Variants in CUL5 observed in about 807,000 individuals in gnomAD.
CUL5 encodes cullin 5.
In CUL5, 26 loss-of-function variants were observed where a neutral mutation model predicts 108.8. That is an observed-to-expected ratio of 0.24 (90% CI 0.18 to 0.33). The LOEUF (loss-of-function observed/expected upper bound fraction) is 0.33, where lower values mean the gene tolerates loss of function less well. Ranked by LOEUF, CUL5 falls within the 10% of genes least tolerant of loss-of-function variation. The probability of loss-of-function intolerance (pLI) is 1.00; values close to 1 mark genes in which losing one functional copy is unlikely to be tolerated. For synonymous variants in CUL5, 334 were observed against 298.0 expected, an observed-to-expected ratio of 1.12 and a Z score of -1.25; for missense variants, 524 against 909.2, an observed-to-expected ratio of 0.58 and a Z score of 5.45.
intron 3 of CUL5, among the ~76,000 whole-genome samples, chr11:108,047,754 T>C (rs937284306): frequency 7.9e-5 from 12 of 152,236 alleles, no homozygotes; most frequent in African/African-American, 2.9e-4. Flanking sequence ...TTAGAACTAA[T>C]TTAGAGATAC....
At chr11:108,012,148 A>G (rs961704209) in intron 1 of CUL5, among the ~76,000 whole-genome samples, 37 of 152,264 alleles carry the variant, frequency 2.4e-4, no homozygotes, top group African/African-American at 8.7e-4. Flanking sequence ...TCTGTAGAAC[A>G]TTTGTAGGGA....
chr11:108,078,761 C>G (rs552129647), intron 11 of CUL5, among the ~76,000 whole-genome samples: 12 of 152,100 alleles, frequency 7.9e-5, no homozygotes, highest in Admixed American at 6.5e-4. Context: ...GTGCTTCTAG[C>G]TAAGAATTAC....
intron 10 of CUL5, among the ~76,000 whole-genome samples, chr11:108,077,365 G>A (rs1209870503): frequency 6.6e-6 from 1 of 152,226 alleles, no homozygotes; most frequent in Non-Finnish European, 1.5e-5. Flanking sequence ...CAGTTGTGTA[G>A]GCTGGGTGTG....
intron 7 of CUL5, among the ~76,000 whole-genome samples, chr11:108,056,447 C>T (rs1179612013): frequency 6.6e-6 from 1 of 151,966 alleles, no homozygotes; most frequent in African/African-American, 2.4e-5. Context: ...TGTCTTTTCC[C>T]TTTGGTTCTT....
At chr11:108,066,353 A>G (rs572439669) in intron 7 of CUL5, among the ~76,000 whole-genome samples, 39 of 152,140 alleles carry the variant, frequency 2.6e-4, no homozygotes, top group African/African-American at 9.4e-4. Flanking sequence ...CAAAAAAAAA[A>G]CCAGAGTATC....
chr11:108,019,894 G>T (rs1025558294), intron 1 of CUL5, among the ~76,000 whole-genome samples: 2 of 152,134 alleles, frequency 1.3e-5, no homozygotes. Context: ...ACTCATGGCA[G>T]AAGGTGAAAG....
intron 7 of CUL5, among the ~76,000 whole-genome samples, chr11:108,063,962 A>G (rs1446107831): frequency 3.3e-5 from 5 of 152,230 alleles, no homozygotes; most frequent in African/African-American, 9.7e-5. Context: ...GTTGTAGGTA[A>G]TATCATCTGC....
intron 7 of CUL5, among the ~76,000 whole-genome samples, chr11:108,062,048 AATTCGAGATGAAATTTGG>A (rs1863549741): frequency 2.0e-5 from 3 of 152,204 alleles, no homozygotes; most frequent in Non-Finnish European, 4.4e-5. Flanking sequence ...TGGGAATTAC[AATTCGAGATGAAATTTGG>A]CTGGGGATAC....
At chr11:108,039,520 A>C (rs1437550017) in intron 2 of CUL5, among the ~76,000 whole-genome samples, 1 of 152,222 alleles carries the variant, frequency 6.6e-6, no homozygotes, top group Non-Finnish European at 1.5e-5. Flanking sequence ...TTAAGTGTAC[A>C]ATTCAGTGGC....
Position 108,046,253 on chromosome 11 carries a change from CT to C in CUL5, c.135-16del. 1 of 1,529,476 alleles carries C rather than the reference CT, an allele frequency of 6.5e-7. No homozygotes were observed. Among genetic ancestry groups the C allele is most frequent in the African/African-American group, 1.4e-5 (1 of 72,716 alleles). The allele number at this position is 1,529,476 out of a possible 1,614,324, so 94.7% of individuals were successfully genotyped here. The stretch of plus-strand genomic sequence containing the variant: ...TGTTTCATTATTAATGTTTGTTTAC[CT>C]ACTTTATATTCACAGGGATGTGCAT... On this transcript the variant is annotated splice_polypyrimidine_tract_variant and intron_variant, in intron 2 of 18. Transcript: ENST00000393094.
At chr11:108,089,666 A>G (rs1864303502) in intron 13 of CUL5, 43 bp downstream of exon 13, 1 of 1,073,094 alleles carries the variant, frequency 9.3e-7, no homozygotes, top group Non-Finnish European at 1.3e-6. Context: ...AATACATTAC[A>G]TCATTTATAT....
chr11:108,028,014 C>A (rs1159105719), intron 1 of CUL5, among the ~76,000 whole-genome samples: 1 of 152,308 alleles, frequency 6.6e-6, no homozygotes, highest in Admixed American at 6.5e-5. Flanking sequence ...TCTAAAACCT[C>A]AGGCTTGGGT....
intron 11 of CUL5, among the ~76,000 whole-genome samples, chr11:108,084,504 T>C (rs1864176743): frequency 6.6e-6 from 1 of 152,246 alleles, no homozygotes; most frequent in Non-Finnish European, 1.5e-5. Flanking sequence ...ATTCAGTGGC[T>C]AACCCTGGAG....
chr11:108,068,159 C>T (rs191915872), intron 7 of CUL5, among the ~76,000 whole-genome samples: 1,798 of 152,254 alleles, frequency 0.012, 11 homozygotes, highest in Middle Eastern at 0.048. Context: ...CTCAGGTGAT[C>T]CGCCCGCCTT....
rs139261037 is a variant in CUL5, at chr11:108,080,520, T to A, written c.1178+2280T>A. On this transcript the variant is annotated intron_variant, in intron 11 of 18. Transcript: ENST00000393094. ...AAGTGATTCTCTTGCCTCAGCCTCC[T>A]GAGTAGCTGGGACTACAGGTGTGTG... 6.8e-4 allele frequency among the ~76,000 whole-genome samples: 103 copies of A among 152,264 alleles called. 1 individual carries two copies. Among genetic ancestry groups the A allele is most frequent in the African/African-American group, 2.3e-3 (97 of 41,570 alleles).
At position 108,088,677 on chromosome 11, in the gene CUL5, A is replaced by T. The variant is rs145855059; in HGVS notation, c.1311+18A>T. The T allele has an allele frequency of 5.4e-5, 85 of 1,560,096 alleles. No individual in the cohort carries two copies. In the African/African-American group the frequency reaches 1.0e-3, roughly 19 times the overall value. ...AAGAAGTGGTACATGAATTTTTTGTATTTCAACTTTTAAAATTACCTTACT... is the reference window on the plus strand; with the variant it reads ...AAGAAGTGGTACATGAATTTTTTGTTTTTCAACTTTTAAAATTACCTTACT... On this transcript the variant is annotated intron_variant, in intron 12 of 18. Coordinates refer to ENST00000393094, the MANE Select transcript of CUL5 (RefSeq NM_003478.6).
intron 1 of CUL5, among the ~76,000 whole-genome samples, chr11:108,027,115 CTTAT>C (rs1298583645): frequency 2.6e-5 from 4 of 151,284 alleles, no homozygotes; most frequent in South Asian, 4.2e-4. Flanking sequence ...TAGTTTTCTT[CTTAT>C]TTATTTTTGT....
chr11:108,100,960 C>T (rs1273691833), intron 18 of CUL5, among the ~76,000 whole-genome samples: 1 of 152,048 alleles, frequency 6.6e-6, no homozygotes, highest in Non-Finnish European at 1.5e-5. Context: ...ACCTGGGAGG[C>T]GGAGGTTGCA....
intron 1 of CUL5, among the ~76,000 whole-genome samples, chr11:108,010,942 GAGTT>G (rs1278896490): frequency 1.1e-4 from 16 of 152,076 alleles, no homozygotes; most frequent in Admixed American, 1.0e-3. Context: ...TGATAATTCT[GAGTT>G]AGAGGTTATA....
Sources: gnomAD v4.1 joint callset for allele counts (sites outside exome capture counted in the v4.1 genomes callset) on GRCh38, gnomAD v4.1.1 for gene constraint, MANE v1.5 for transcripts, NCBI Gene and HGNC (gene_info 2026-07-23, HGNC 2026-07-21) for gene names.